Variants in ZZEF1 observed in about 807,000 individuals in gnomAD.
The protein encoded by ZZEF1 is zinc finger ZZ-type and EF-hand domain containing 1.
Under a neutral mutation model 342.8 loss-of-function variants are expected in ZZEF1, and 157 were observed. That is an observed-to-expected ratio of 0.46 (90% CI 0.40 to 0.52). The LOEUF (loss-of-function observed/expected upper bound fraction) is 0.52. ZZEF1 is among the 20% of genes least tolerant of loss of function. The pLI is 0.00. For missense variants in ZZEF1, 3,480 were observed against 3,725.6 expected, an observed-to-expected ratio of 0.93 and a Z score of 1.72; for synonymous variants, 1,505 against 1,429.1, an observed-to-expected ratio of 1.05 and a Z score of -1.20.
chr17:4,069,705 C>T (rs1443301524), intron 26 of ZZEF1, among the ~76,000 whole-genome samples: 1 of 152,088 alleles, frequency 6.6e-6, no homozygotes, highest in Non-Finnish European at 1.5e-5. Context: ...TTGATGGGTG[C>T]CTGTAATCCC....
At position 4,070,743 on chromosome 17, in the gene ZZEF1, G is replaced by A. The variant is rs771919308; in HGVS notation, c.4016C>T (p.Ala1339Val). ...AGSTIDQAVN[A>V]TFAALVYRTP... ...GCGATACACCAGAGCAGCAAAGGTG[G>A]CGTTCACAGCTTGATCAATAGTGGA... is the stretch of plus-strand genomic sequence containing the variant. Residue 1339 changes from alanine (A) to valine (V), a missense_variant, in exon 26 of 55, where the codon GCC becomes GTC. Ala to Val is a moderately conservative substitution (Grantham distance 64). Around this residue, in one of 5 missense-constraint regions of ZZEF1, gnomAD observed 1,528 missense variants for 1,624.1 expected, o/e 0.94. Transcript: ENST00000381638. 1.9e-5 allele frequency: 30 copies of A among 1,613,892 alleles called. No homozygotes were observed. In the South Asian group the frequency reaches 2.9e-4, roughly 15 times the overall value.
At chr17:4,098,718 A>G (rs1354966781) in intron 9 of ZZEF1, among the ~76,000 whole-genome samples, 1 of 152,230 alleles carries the variant, frequency 6.6e-6, no homozygotes, top group Non-Finnish European at 1.5e-5. Flanking sequence ...CATGGAGTTC[A>G]AGCCAACAAA....
At chr17:4,129,030 G>A (rs1485454591) in intron 1 of ZZEF1, among the ~76,000 whole-genome samples, 2 of 152,062 alleles carry the variant, frequency 1.3e-5, no homozygotes, top group South Asian at 4.1e-4. Flanking sequence ...GCCTCCCAAA[G>A]TGCTGGGATT....
intron 35 of ZZEF1, 52 bp from the exon 36 acceptor site, chr17:4,051,095 G>A (rs2057036259): frequency 6.2e-7 from 1 of 1,613,356 alleles, no homozygotes. Context: ...AGCTTTTGTG[G>A]CTCCAAACAG....
intron 1 of ZZEF1, among the ~76,000 whole-genome samples, chr17:4,133,454 C>T (rs573403135): frequency 1.3e-5 from 2 of 152,218 alleles, no homozygotes; most frequent in South Asian, 4.1e-4. Flanking sequence ...ATCTGAAGAC[C>T]AAATGCTTAA....
intron 37 of ZZEF1, among the ~76,000 whole-genome samples, chr17:4,044,769 G>A (rs762193680): frequency 1.3e-5 from 2 of 151,898 alleles, no homozygotes; most frequent in East Asian, 2.0e-4. Context: ...TGCCCACCTC[G>A]TCCTCTTTAA....
intron 1 of ZZEF1, among the ~76,000 whole-genome samples, 177 bp downstream of exon 1, chr17:4,142,363 CAG>C (rs2058871676): frequency 6.6e-6 from 1 of 152,238 alleles, no homozygotes; most frequent in Non-Finnish European, 1.5e-5. Context: ...CGGCCTGATG[CAG>C]ACTTTCCAGA....
intron 19 of ZZEF1, 82 bp from the exon 20 acceptor site, chr17:4,077,071 A>G: frequency 7.5e-7 from 1 of 1,339,874 alleles, no homozygotes; most frequent in Non-Finnish European, 9.8e-7. Context: ...AAGAATAAAG[A>G]GACTCCAGAA....
rs758670559 is a variant in ZZEF1 at position 4,022,700 on chromosome 17, G to A, written c.7212+9C>T. The A allele has an allele frequency of 3.1e-6, 5 of 1,613,660 alleles. No individual in the cohort carries two copies. The highest frequency in any genetic ancestry group is 2.2e-5 in the South Asian group (2 of 91,056). On this transcript the variant is annotated intron_variant, in intron 44 of 54. Coordinates refer to ENST00000381638, the MANE Select transcript of ZZEF1 (RefSeq NM_015113.4). ...GGAAAGAGGAGCAGGAGTCCCTCTC[G>A]TCTCTTACTTCCAGGTCCCGGAGGA...
Position 4,076,685 on chromosome 17 carries a change from T to C in ZZEF1, c.3186A>G (p.Thr1062=), listed in dbSNP as rs1416196197. The C allele has an allele frequency of 1.2e-6, 2 of 1,613,400 alleles. No individual in the cohort carries two copies. The highest frequency in any genetic ancestry group is 2.2e-5 in the South Asian group (2 of 91,054). ...CACTACAGAGCTTCTTCAGGAGTTCTGTGAGGACGCTGAACTCTCTCAAGA... is the reference window on the plus strand; with the variant it reads ...CACTACAGAGCTTCTTCAGGAGTTCCGTGAGGACGCTGAACTCTCTCAAGA... ...CVLLREFSVL[T]ELLKKLCSGP... is the part of the protein sequence containing the mutation. The change falls in exon 21 of 55, where the codon ACA becomes ACG. Residue 1062 remains threonine (T), a synonymous_variant. Transcript: ENST00000381638.
chr17:4,102,139 T>C (rs896998427), intron 9 of ZZEF1, among the ~76,000 whole-genome samples, 178 bp downstream of exon 9: 8 of 152,190 alleles, frequency 5.3e-5, no homozygotes, highest in South Asian at 2.1e-4. Context: ...GTTATAGTCA[T>C]TGACACCTAG....
At chr17:4,040,183 A>AC (rs1173711745) in intron 39 of ZZEF1, among the ~76,000 whole-genome samples, 4 of 152,228 alleles carry the variant, frequency 2.6e-5, no homozygotes, top group African/African-American at 7.2e-5. Context: ...GTAATTCCAC[A>AC]CCCAGACTGT....
chr17:4,073,134 A>T lies in ZZEF1; in HGVS notation c.3686-378T>A, dbSNP rs1190368236. 2.0e-5 allele frequency among the ~76,000 whole-genome samples: 3 copies of T among 152,246 alleles called. No homozygotes were observed. In the East Asian group the frequency reaches 5.8e-4, roughly 29 times the overall value. ...CTTAATTCTGTAGCAAATAATAAAT[A>T]TCCAGCATAGATGTGTTTAGAATAG... On this transcript the variant is annotated intron_variant, in intron 24 of 54. Transcript: ENST00000381638.
intron 13 of ZZEF1, among the ~76,000 whole-genome samples, chr17:4,088,224 G>A (rs1362370586): frequency 6.6e-6 from 1 of 152,164 alleles, no homozygotes; most frequent in African/African-American, 2.4e-5. Flanking sequence ...CTGACTGTAA[G>A]AGTCAGTATC....
chr17:4,075,675 C>T (rs1010272701), intron 21 of ZZEF1, among the ~76,000 whole-genome samples: 6 of 152,182 alleles, frequency 3.9e-5, no homozygotes, highest in Non-Finnish European at 7.3e-5. Flanking sequence ...TGTACCTTTT[C>T]GCTATGACAG....
At chr17:4,046,301 G>A (rs190088464) in intron 37 of ZZEF1, among the ~76,000 whole-genome samples, 1 of 152,284 alleles carries the variant, frequency 6.6e-6, no homozygotes, top group East Asian at 1.9e-4. Flanking sequence ...TGCATTTCCT[G>A]AGAAGTCACT....
chr17:4,142,520 G>C, intron 1 of ZZEF1, 22 bp downstream of exon 1: 1 of 1,585,164 alleles, frequency 6.3e-7, no homozygotes, highest in East Asian at 2.3e-5. Context: ...CCCCATCCCC[G>C]CAGTCGCCTG....
Position 4,074,143 on chromosome 17 carries a change from C to T in ZZEF1, c.3685+7G>A, listed in dbSNP as rs2057562672. Reference sequence around the variant, plus strand: ...TAAGAAGGGAAAGCACAGGGATGTGCACTTACGGCGCACAGACTTGAGCGC... The same window carrying T: ...TAAGAAGGGAAAGCACAGGGATGTGTACTTACGGCGCACAGACTTGAGCGC... On this transcript the variant is annotated splice_region_variant and intron_variant, in intron 24 of 54. Coordinates refer to ENST00000381638, the MANE Select transcript of ZZEF1 (RefSeq NM_015113.4). 1 of 1,613,390 alleles carries T rather than the reference C, an allele frequency of 6.2e-7. No individual in the cohort carries two copies. The highest frequency in any genetic ancestry group is 1.7e-5 in the Admixed American group (1 of 59,992).
intron 2 of ZZEF1, among the ~76,000 whole-genome samples, chr17:4,122,569 G>A (rs780299997): frequency 3.9e-5 from 6 of 152,000 alleles, no homozygotes; most frequent in East Asian, 1.9e-4. Context: ...TAGTAGAGAC[G>A]GAGTTTCTCC....
Sources: gnomAD v4.1 joint callset for allele counts (sites outside exome capture counted in the v4.1 genomes callset) on GRCh38, gnomAD v4.1.1 for gene constraint, gnomAD v4.1.1 regional missense constraint, MANE v1.5 for transcripts, NCBI Gene and HGNC (gene_info 2026-07-23, HGNC 2026-07-21) for gene names.